Variants in RIMKLA observed in about 807,000 individuals in gnomAD.
RIMKLA encodes the protein N-acetylaspartylglutamate synthase A.
RIMKLA carries 14 observed loss-of-function variants against 32.7 expected under a neutral mutation model. That is an observed-to-expected ratio of 0.43 (90% CI 0.28 to 0.67). RIMKLA has a LOEUF of 0.67. Among genes scored for constraint, RIMKLA ranks in the 30% least tolerant of loss-of-function variants. The pLI is 0.18. For synonymous variants in RIMKLA, 176 were observed against 204.1 expected (o/e 0.86, Z 1.18); for missense variants, 410 against 519.0 (o/e 0.79, Z 2.04).
At chr1:42,414,449 G>A (rs1286676428) in intron 4 of RIMKLA, 35 bp from the exon 5 acceptor site, 1 of 1,603,664 alleles carries the variant, frequency 6.2e-7, no homozygotes. Flanking sequence ...TGACTTCTCA[G>A]TTGTCACCTT....
intron 4 of RIMKLA, 30 bp from the exon 5 acceptor site, chr1:42,414,454 C>A: frequency 6.2e-7 from 1 of 1,605,356 alleles, no homozygotes; most frequent in South Asian, 1.1e-5. Flanking sequence ...TCTCAGTTGT[C>A]ACCTTTACAT....
In RIMKLA at chr1:42,402,846, G is replaced by A. The variant is rs140835901; in HGVS notation, c.395-1665G>A. ...GCTCAGGCAGTCCGCCCACCTCGGC[G>A]CCCACGAAGTGCTGGGATTCCAGGC... On this transcript the variant is annotated intron_variant, in intron 2 of 4. Transcript: ENST00000431473. 4.6e-5 allele frequency among the ~76,000 whole-genome samples: 7 copies of A among 152,086 alleles called. No individual in the cohort carries two copies. In the East Asian group the frequency reaches 9.7e-4, roughly 21 times the overall value.
Position 42,409,968 on chromosome 1 carries a change from C to G in RIMKLA, c.482-16C>G, listed in dbSNP as rs1054196502. 7 of 1,609,718 alleles carry G rather than the reference C, an allele frequency of 4.3e-6. No homozygotes were observed. The highest frequency in any genetic ancestry group is 5.1e-6 in the Non-Finnish European group (6 of 1,176,172). On this transcript the variant is annotated splice_polypyrimidine_tract_variant and intron_variant, in intron 3 of 4. Transcript: ENST00000431473. ...GGCTTCTCTAACCCCTTCTCTTGCT[C>G]TTTTTCTTCTTAAAGGAAAAGCTGT...
At chr1:42,396,719 G>A (rs551404971) in intron 1 of RIMKLA, among the ~76,000 whole-genome samples, 1 of 152,198 alleles carries the variant, frequency 6.6e-6, no homozygotes, top group African/African-American at 2.4e-5. Context: ...TTCTTGTGAG[G>A]TGGTAAAAAT....
At chr1:42,384,051 G>C (rs1269400208) in intron 1 of RIMKLA, among the ~76,000 whole-genome samples, 6 of 152,158 alleles carry the variant, frequency 3.9e-5, no homozygotes, top group Non-Finnish European at 5.9e-5. Flanking sequence ...TGGTGGAGTT[G>C]ATTGGGGCAG....
intron 3 of RIMKLA, among the ~76,000 whole-genome samples, chr1:42,409,306 T>C (rs1306783043): frequency 1.3e-5 from 2 of 151,920 alleles, no homozygotes; most frequent in Non-Finnish European, 2.9e-5. Flanking sequence ...GAAGGAATGC[T>C]TTCTGCAGAG....
In RIMKLA at chr1:42,423,374, C is replaced by T. The variant is rs1643310543; in HGVS notation, c.*8400C>T. 1.3e-5 allele frequency among the ~76,000 whole-genome samples: 2 copies of T among 152,178 alleles called. No individual in the cohort carries two copies. Among genetic ancestry groups the T allele is most frequent in the Admixed American group, 6.5e-5 (1 of 15,284 alleles). On this transcript the variant is annotated 3_prime_UTR_variant, in exon 5 of 5. Coordinates refer to ENST00000431473, the MANE Select transcript of RIMKLA (RefSeq NM_173642.4). The stretch of plus-strand genomic sequence containing the variant: ...TAAACTCCCCAGAAAAGGACGTTTC[C>T]ATTTGCCTTTACCACATATAAAAAG...
chr1:42,381,139 G>C, intron 1 of RIMKLA, 42 bp downstream of exon 1: 1 of 1,240,046 alleles, frequency 8.1e-7, no homozygotes, highest in African/African-American at 1.6e-5. Context: ...GGCGCGCCGG[G>C]GTCCACGAGA....
intron 3 of RIMKLA, among the ~76,000 whole-genome samples, chr1:42,408,322 C>T (rs1323155203): frequency 5.3e-5 from 8 of 152,150 alleles, no homozygotes. Context: ...TGTCAGGTGT[C>T]TAGGATCCAG....
rs1643261929 is a variant in RIMKLA, at chr1:42,417,737, C to G, written c.*2763C>G. 1 of 152,230 alleles carries G rather than the reference C, an allele frequency of 6.6e-6. No individual in the cohort carries two copies. The highest frequency in any genetic ancestry group is 2.1e-4 in the South Asian group (1 of 4,826). The allele number at this position is 152,230 out of a possible 1,614,324, so 9.4% of individuals were successfully genotyped here. On this transcript the variant is annotated 3_prime_UTR_variant, in exon 5 of 5. Transcript: ENST00000431473. ...CTTCGGGAGGCCGAGGCGGGTGGAT[C>G]ATGAGGTCAGGAGATTGAGACCATT...
chr1:42,387,720 A>G (rs955749511), intron 1 of RIMKLA, among the ~76,000 whole-genome samples: 1 of 152,148 alleles, frequency 6.6e-6, no homozygotes, highest in African/African-American at 2.4e-5. Context: ...ATATCTATTG[A>G]TGGCCTAGTG....
Position 42,414,448 on chromosome 1 carries a change from A to G in RIMKLA, c.686-36A>G, listed in dbSNP as rs200223331. On this transcript the variant is annotated intron_variant, in intron 4 of 4. Transcript: ENST00000431473. ...TCTTTGAAGAGTCATCTGACTTCTC[A>G]GTTGTCACCTTTACATCACTGTGCT... 3,874 of 1,601,508 alleles carry G rather than the reference A, an allele frequency of 2.4e-3. 4 individuals are homozygous for G. Among genetic ancestry groups the G allele is most frequent in the Non-Finnish European group, 3.2e-3 (3,749 of 1,172,282 alleles).
At chr1:42,406,806 TG>T (rs1222164843) in intron 3 of RIMKLA, among the ~76,000 whole-genome samples, 1 of 152,214 alleles carries the variant, frequency 6.6e-6, no homozygotes, top group African/African-American at 2.4e-5. Flanking sequence ...TTCATGTGCT[TG>T]TTGGCCATTT....
At position 42,414,662 on chromosome 1, in the gene RIMKLA, C is replaced by G; in HGVS notation, c.864C>G (p.Asn288Lys). The change falls in exon 5 of 5, where the codon AAC (asparagine) becomes AAG (lysine). Residue 288 changes from asparagine (N) to lysine (K), a missense_variant. Asn to Lys is a moderately conservative substitution (Grantham distance 94). Coordinates refer to ENST00000431473, the MANE Select transcript of RIMKLA (RefSeq NM_173642.4). The part of the protein sequence containing the change: ...VGFLAFDQAC[N>K]LDVGGIIADY... ...TCCTAGCCTTTGACCAGGCATGCAACTTAGATGTGGGTGGGATCATTGCAG... is the reference window on the plus strand; with the variant it reads ...TCCTAGCCTTTGACCAGGCATGCAAGTTAGATGTGGGTGGGATCATTGCAG... 1 of 1,614,202 alleles carries G rather than the reference C, an allele frequency of 6.2e-7. No homozygotes were observed. The highest frequency in any genetic ancestry group is 1.7e-5 in the Admixed American group (1 of 60,026).
In RIMKLA at chr1:42,416,667, G is replaced by A. The variant is rs1643251337; in HGVS notation, c.*1693G>A. 1 of 152,158 alleles carries A rather than the reference G, an allele frequency of 6.6e-6. No individual in the cohort carries two copies. The highest frequency in any genetic ancestry group is 1.5e-5 in the Non-Finnish European group (1 of 68,042). 9.4% of individuals were successfully genotyped at this position (152,158 alleles called of 1,614,324 possible). ...ATCTTCCCAAGGTGACTACTTCAAA[G>A]GCAACACTACCCATTCGGGTGCAGA... On this transcript the variant is annotated 3_prime_UTR_variant, in exon 5 of 5. Transcript: ENST00000431473.
chr1:42,413,501 CAAAAAAAAAA>C (rs201462707), intron 4 of RIMKLA, among the ~76,000 whole-genome samples: 2 of 125,586 alleles, frequency 1.6e-5, no homozygotes, highest in East Asian at 3.0e-4. Context: ...AAGAGTCTCT[CAAAAAAAAAA>C]AAAAAAAAAA....
At chr1:42,405,289 C>T (rs1371088050) in intron 3 of RIMKLA, among the ~76,000 whole-genome samples, 1 of 152,186 alleles carries the variant, frequency 6.6e-6, no homozygotes, top group Non-Finnish European at 1.5e-5. Flanking sequence ...GTGCCTCTAG[C>T]AGAGTGCTAT....
Position 42,420,539 on chromosome 1 carries a change from A to C in RIMKLA, c.*5565A>C, listed in dbSNP as rs1231455699. On this transcript the variant is annotated 3_prime_UTR_variant, in exon 5 of 5. Coordinates refer to ENST00000431473, the MANE Select transcript of RIMKLA (RefSeq NM_173642.4). The stretch of plus-strand genomic sequence containing the variant: ...AGATGGATAGCCATTCCTTTTCTTA[A>C]TTTGATTCCTGCCAACACCCTAACC... 2 of 152,184 alleles carry C rather than the reference A, an allele frequency of 1.3e-5. No individual in the cohort carries two copies. The highest frequency in any genetic ancestry group is 6.5e-5 in the Admixed American group (1 of 15,274). The allele number at this position is 152,184 out of a possible 1,614,324, so 9.4% of individuals were successfully genotyped here. A position where few individuals can be genotyped will look rare whatever the true frequency, so the allele number is the denominator to read the frequency against.
intron 1 of RIMKLA, among the ~76,000 whole-genome samples, chr1:42,385,813 TTCC>T (rs1642934625): frequency 3.1e-5 from 3 of 95,280 alleles, no homozygotes; most frequent in African/African-American, 1.0e-4. Flanking sequence ...CTCTCTTTCC[TTCC>T]TTCCTTCCTT....
Sources: gnomAD v4.1 joint callset for allele counts (sites outside exome capture counted in the v4.1 genomes callset) on GRCh38, gnomAD v4.1.1 for gene constraint, MANE v1.5 for transcripts, NCBI Gene and HGNC (gene_info 2026-07-23, HGNC 2026-07-21) for gene names.